Variants in IGF1R observed in about 807,000 individuals in gnomAD.
IGF1R encodes the protein insulin-like growth factor 1 receptor.
Under a neutral mutation model 144.6 loss-of-function variants are expected in IGF1R, and 44 were observed. The ratio of observed to expected loss-of-function variants is 0.30; its 90% CI spans 0.24 to 0.39. IGF1R has a LOEUF of 0.39. IGF1R is among the 10% of genes least tolerant of loss of function. The probability of loss-of-function intolerance (pLI) is 1.00; values close to 1 mark genes in which losing one functional copy is unlikely to be tolerated. For synonymous variants in IGF1R, 795 were observed against 722.8 expected (o/e 1.10, Z -1.60); for missense variants, 1,355 against 1,833.7 (o/e 0.74, Z 4.77).
chr15:98,949,378 A>AT (rs2016683821), intron 20 of IGF1R, among the ~76,000 whole-genome samples: 1 of 112,078 alleles, frequency 8.9e-6, no homozygotes, highest in South Asian at 3.4e-4. Flanking sequence ...TTCTCACTGC[A>AT]CTTTTTTTTT....
intron 2 of IGF1R, among the ~76,000 whole-genome samples, chr15:98,821,513 G>A (rs1489117454): frequency 6.6e-6 from 1 of 151,674 alleles, no homozygotes; most frequent in Non-Finnish European, 1.5e-5. Flanking sequence ...GAAGAGAGTC[G>A]AAGGGGAAGG....
chr15:98,817,728 C>T (rs1241579162), intron 2 of IGF1R, among the ~76,000 whole-genome samples: 1 of 152,158 alleles, frequency 6.6e-6, no homozygotes, highest in Non-Finnish European at 1.5e-5. Flanking sequence ...ATAGACATTG[C>T]AGCATTCCCT....
At chr15:98,663,131 G>C (rs2052639214) in intron 1 of IGF1R, among the ~76,000 whole-genome samples, 2 of 152,296 alleles carry the variant, frequency 1.3e-5, no homozygotes, top group South Asian at 2.1e-4. Context: ...GAATGGACTG[G>C]ACAGGTTGGC....
intron 2 of IGF1R, among the ~76,000 whole-genome samples, chr15:98,719,354 C>T (rs2054194068): frequency 6.6e-6 from 1 of 152,162 alleles, no homozygotes; most frequent in African/African-American, 2.4e-5. Flanking sequence ...TGCCTTACCC[C>T]TGGCCATTCT....
At chr15:98,797,328 C>G (rs2056267897) in intron 2 of IGF1R, among the ~76,000 whole-genome samples, 1 of 152,078 alleles carries the variant, frequency 6.6e-6, no homozygotes, top group Non-Finnish European at 1.5e-5. Context: ...GATGACTGCT[C>G]GAAAGCCCAC....
chr15:98,727,835 C>G (rs1488814774), intron 2 of IGF1R, among the ~76,000 whole-genome samples: 2 of 152,062 alleles, frequency 1.3e-5, no homozygotes, highest in Non-Finnish European at 2.9e-5. Context: ...GGCCCTGGTG[C>G]GCTGTCACCC....
intron 2 of IGF1R, among the ~76,000 whole-genome samples, chr15:98,717,414 T>C (rs535856410): frequency 6.6e-6 from 1 of 152,274 alleles, no homozygotes; most frequent in South Asian, 2.1e-4. Context: ...GTGTTGACTA[T>C]ATATGTTCAC....
At chr15:98,934,344 C>A (rs976452893) in intron 15 of IGF1R, among the ~76,000 whole-genome samples, 1 of 152,114 alleles carries the variant, frequency 6.6e-6, no homozygotes, top group Non-Finnish European at 1.5e-5. Context: ...TTTTTCCCGA[C>A]CCAGCATAAG....
chr15:98,688,977 G>A (rs1320772899), intron 1 of IGF1R, among the ~76,000 whole-genome samples: 1 of 152,260 alleles, frequency 6.6e-6, no homozygotes, highest in East Asian at 1.9e-4. Context: ...CTGTGTGGTG[G>A]GCGACGACTT....
intron 2 of IGF1R, among the ~76,000 whole-genome samples, chr15:98,871,762 C>A (rs1031571910): frequency 1.3e-5 from 2 of 152,204 alleles, no homozygotes; most frequent in Admixed American, 6.5e-5. Flanking sequence ...AAAACCCACC[C>A]CATGATTCAG....
intron 2 of IGF1R, among the ~76,000 whole-genome samples, chr15:98,760,278 G>C (rs763850843): frequency 5.9e-5 from 9 of 152,030 alleles, no homozygotes; most frequent in Admixed American, 1.3e-4. Context: ...CTTGAACCTG[G>C]GATGCGGAGG....
intron 2 of IGF1R, among the ~76,000 whole-genome samples, chr15:98,805,581 G>A (rs1403199033): frequency 6.6e-6 from 1 of 152,098 alleles, no homozygotes; most frequent in Non-Finnish European, 1.5e-5. Context: ...TGAAATGCAG[G>A]CCACCCTTTC....
chr15:98,746,838 C>T (rs60407515), intron 2 of IGF1R, among the ~76,000 whole-genome samples: 1 of 152,048 alleles, frequency 6.6e-6, no homozygotes, highest in African/African-American at 2.4e-5. Flanking sequence ...GTGTGTTGTT[C>T]GTTATTTCTT....
chr15:98,825,498 C>T (rs528901033), intron 2 of IGF1R, among the ~76,000 whole-genome samples: 24 of 152,268 alleles, frequency 1.6e-4, no homozygotes, highest in Admixed American at 9.8e-4. Flanking sequence ...GCATGAGCTC[C>T]GCCTCCTGTC....
intron 2 of IGF1R, among the ~76,000 whole-genome samples, chr15:98,836,075 G>A (rs764865474): frequency 9.2e-5 from 14 of 152,036 alleles, no homozygotes; most frequent in Non-Finnish European, 1.5e-4. Flanking sequence ...CAGTGGTAGC[G>A]ACAATTATGA....
At position 98,872,164 on chromosome 15, in the gene IGF1R, G is replaced by A. The variant is rs758956977; in HGVS notation, c.641-19161G>A. Reference sequence around the variant, plus strand: ...CCTGCACTAAATGAAGATTATTTTCGAGCGAATGGATTGAAGAACAGTGCT... The same window carrying A: ...CCTGCACTAAATGAAGATTATTTTCAAGCGAATGGATTGAAGAACAGTGCT... On this transcript the variant is annotated intron_variant, in intron 2 of 20. Coordinates refer to ENST00000650285, the MANE Select transcript of IGF1R (RefSeq NM_000875.5). 7.2e-5 allele frequency among the ~76,000 whole-genome samples: 11 copies of A among 152,200 alleles called. No individual in the cohort carries two copies. The South Asian group carries it at 1.2e-3, about 17-fold the overall frequency.
At chr15:98,734,356 G>A (rs1243239713) in intron 2 of IGF1R, among the ~76,000 whole-genome samples, 2 of 152,188 alleles carry the variant, frequency 1.3e-5, no homozygotes, top group Non-Finnish European at 2.9e-5. Context: ...TTCAGAGTAA[G>A]TCGGCCTTGG....
At chr15:98,733,097 C>G (rs1188312038) in intron 2 of IGF1R, among the ~76,000 whole-genome samples, 1 of 152,178 alleles carries the variant, frequency 6.6e-6, no homozygotes, top group Non-Finnish European at 1.5e-5. Context: ...CCTGGCGTAT[C>G]CCATGCAGGG....
At position 98,929,678 on chromosome 15, in the gene IGF1R, T is replaced by C; in HGVS notation, c.2885+18T>C. The C allele has an allele frequency of 6.6e-7, 1 of 1,504,212 alleles. No individual in the cohort carries two copies. Among genetic ancestry groups the C allele is most frequent in the Non-Finnish European group, 9.3e-7 (1 of 1,079,540 alleles). 93.2% of individuals were successfully genotyped at this position (1,504,212 alleles called of 1,614,324 possible). ...AGAAAGAGGTCAGTGATGTGCAAAG[T>C]TATGACACTTTCTGTGGCTGAGTGG... On this transcript the variant is annotated intron_variant, in intron 14 of 20. Coordinates refer to ENST00000650285, the MANE Select transcript of IGF1R (RefSeq NM_000875.5).
Sources: allele counts gnomAD v4.1 joint callset (sites outside exome capture counted in the v4.1 genomes callset), GRCh38; gene constraint gnomAD v4.1.1; transcripts MANE v1.5; gene names NCBI Gene and HGNC (gene_info 2026-07-23, HGNC 2026-07-21).